The following IMMT variants were observed in gnomAD, a reference collection of about 807,000 sequenced individuals.
IMMT encodes inner membrane mitochondrial protein.
Under a neutral mutation model 92.7 loss-of-function variants are expected in IMMT, and 40 were observed. The observed-to-expected ratio is 0.43, with a 90% CI of 0.34 to 0.56. IMMT has a LOEUF of 0.56. Among genes scored for constraint, IMMT ranks in the 20% least tolerant of loss-of-function variants. The pLI is 0.03. For synonymous variants in IMMT, 322 were observed against 336.1 expected (o/e 0.96, Z 0.46); for missense variants, 831 against 912.1 (o/e 0.91, Z 1.14).
intron 1 of IMMT, among the ~76,000 whole-genome samples, chr2:86,188,265 G>A (rs565131619): frequency 3.3e-5 from 5 of 151,864 alleles, no homozygotes; most frequent in African/African-American, 9.7e-5. Context: ...AGTATCTCAC[G>A]GTTTTAATTT....
chr2:86,176,093 A>C (rs1245443688), intron 3 of IMMT, among the ~76,000 whole-genome samples: 1 of 152,262 alleles, frequency 6.6e-6, no homozygotes, highest in Non-Finnish European at 1.5e-5. Flanking sequence ...CAAGTGCCAG[A>C]TTGCCAAGGG....
At chr2:86,146,843 C>T (rs755289773) in intron 13 of IMMT, among the ~76,000 whole-genome samples, 10 of 152,170 alleles carry the variant, frequency 6.6e-5, no homozygotes, top group Non-Finnish European at 1.3e-4. Context: ...TCACTGCAAC[C>T]TCCACCTCCC....
chr2:86,154,444 T>C (rs922407990), intron 10 of IMMT, among the ~76,000 whole-genome samples: 3 of 152,208 alleles, frequency 2.0e-5, no homozygotes, highest in Non-Finnish European at 4.4e-5. Flanking sequence ...GTGCTGGGAT[T>C]ACAGGCGTGA....
chr2:86,190,737 C>T (rs2105678268), intron 1 of IMMT, among the ~76,000 whole-genome samples: 1 of 152,324 alleles, frequency 6.6e-6, no homozygotes, highest in South Asian at 2.1e-4. Flanking sequence ...AGCCTGTAAT[C>T]CCAGCACTTT....
At chr2:86,171,069 A>G in intron 5 of IMMT, 139 bp downstream of exon 5, 1 of 826,010 alleles carries the variant, frequency 1.2e-6, no homozygotes, top group South Asian at 1.9e-5. Context: ...GGACATTTAA[A>G]TTTTAAAAAT....
intron 4 of IMMT, among the ~76,000 whole-genome samples, chr2:86,172,354 TTTTG>T (rs1475617095): frequency 6.6e-6 from 1 of 152,064 alleles, no homozygotes; most frequent in Non-Finnish European, 1.5e-5. Context: ...CAATGTTTTT[TTTTG>T]TTTGAGACAG....
intron 3 of IMMT, among the ~76,000 whole-genome samples, chr2:86,174,939 G>A (rs1037948781): frequency 1.3e-5 from 2 of 152,142 alleles, no homozygotes; most frequent in Non-Finnish European, 2.9e-5. Context: ...TAAATGAAAA[G>A]CACCGTAGTG....
Position 86,162,082 on chromosome 2 carries a change from A to T in IMMT, c.793-3T>A. ...GCAGATTTCTTCTCGCCTGCAATCT[A>T]AACAAAAAATTTTAATTATATAATA... On this transcript the variant is annotated splice_polypyrimidine_tract_variant and splice_region_variant and intron_variant, in intron 7 of 14. Transcript: ENST00000410111. 1.3e-6 allele frequency: 2 copies of T among 1,551,406 alleles called. No homozygotes were observed. The highest frequency in any genetic ancestry group is 1.7e-6 in the Non-Finnish European group (2 of 1,150,706).
At chr2:86,192,460 T>TA (rs138887674) in intron 1 of IMMT, among the ~76,000 whole-genome samples, 6,312 of 151,892 alleles carry the variant, frequency 0.042, 465 homozygotes, top group African/African-American at 0.14. Flanking sequence ...CTTTTTAAAT[T>TA]AAAAAAAAAT....
chr2:86,173,852 C>A (rs1573925277), intron 3 of IMMT, 91 bp from the exon 4 acceptor site: 2 of 670,228 alleles, frequency 3.0e-6, no homozygotes, highest in East Asian at 5.8e-5. Context: ...CCAAGTCTTT[C>A]AGGCTTTTAA....
chr2:86,150,196 C>G (rs1341436544), intron 12 of IMMT, among the ~76,000 whole-genome samples: 1 of 152,128 alleles, frequency 6.6e-6, no homozygotes, highest in Non-Finnish European at 1.5e-5. Flanking sequence ...GAAAATCAAG[C>G]TGGAGATACC....
intron 1 of IMMT, among the ~76,000 whole-genome samples, chr2:86,183,483 T>G (rs1672560447): frequency 6.6e-6 from 1 of 152,206 alleles, no homozygotes; most frequent in East Asian, 1.9e-4. Flanking sequence ...TTCTATTTTC[T>G]TTTATCTTGA....
At chr2:86,175,099 A>C (rs967126094) in intron 3 of IMMT, among the ~76,000 whole-genome samples, 1 of 152,154 alleles carries the variant, frequency 6.6e-6, no homozygotes, top group African/African-American at 2.4e-5. Flanking sequence ...TTCCAAATTC[A>C]GTTGTTTTAT....
rs773602497 is a variant in IMMT, at chr2:86,144,645, G to C, written c.1900C>G (p.Arg634Gly). Residue 634 changes from arginine (R) to glycine (G), a missense_variant, in exon 15 of 15, where the codon CGT (arginine) becomes GGT (glycine). Coordinates refer to ENST00000410111, the MANE Select transcript of IMMT (RefSeq NM_006839.3). ...GCCAGTTTTTGAACAGCATAGAAACGGGCTCTAAGGGTCTCTTCACTGTAC... is the reference window on the plus strand; with the variant it reads ...GCCAGTTTTTGAACAGCATAGAAACCGGCTCTAAGGGTCTCTTCACTGTAC... Reference protein sequence around the residue: ...GVYSEETLRARFYAVQKLARR... With the variant: ...GVYSEETLRAGFYAVQKLARR... 13 of 1,613,910 alleles carry C rather than the reference G, an allele frequency of 8.1e-6. No individual in the cohort carries two copies. Among genetic ancestry groups the C allele is most frequent in the Non-Finnish European group, 1.0e-5 (12 of 1,179,872 alleles).
chr2:86,170,039 G>A (rs532724726), intron 6 of IMMT, among the ~76,000 whole-genome samples: 89 of 152,274 alleles, frequency 5.8e-4, no homozygotes, highest in African/African-American at 2.1e-3. Context: ...ATAAGGCAGT[G>A]TAAGCCATTC....
rs777454852 is a variant in IMMT at position 86,144,332 on chromosome 2, ACTAT to A, written c.2209_2212del (p.Ile737TrpfsTer4). The A allele has an allele frequency of 1.2e-6, 2 of 1,613,864 alleles. No homozygotes were observed. The highest frequency in any genetic ancestry group is 1.7e-6 in the Non-Finnish European group (2 of 1,179,866). On this transcript the variant is annotated frameshift_variant, in exon 15 of 15. Coordinates refer to ENST00000410111, the MANE Select transcript of IMMT (RefSeq NM_006839.3). LOFTEE classifies it high-confidence loss of function. The stretch of plus-strand genomic sequence containing the variant: ...GCTGGCATATGCTGTCAGGATTTCC[ACTAT>A]CTGTTTCGTTTCTAGGGTCATTCGG...
chr2:86,170,313 G>A (rs1676993957), intron 6 of IMMT, among the ~76,000 whole-genome samples: 1 of 152,136 alleles, frequency 6.6e-6, no homozygotes, highest in Admixed American at 6.5e-5. Context: ...CAGCTACAGA[G>A]GAGGCTGAGG....
intron 7 of IMMT, among the ~76,000 whole-genome samples, chr2:86,164,522 C>T (rs1045044795): frequency 5.3e-5 from 8 of 151,928 alleles, no homozygotes; most frequent in African/African-American, 1.7e-4. Flanking sequence ...GAAACCCTCT[C>T]TGTACGAAAA....
chr2:86,148,518 A>G (rs375986528), intron 12 of IMMT, among the ~76,000 whole-genome samples: 1 of 152,312 alleles, frequency 6.6e-6, no homozygotes, highest in East Asian at 1.9e-4. Context: ...AGGCTGAGGC[A>G]GGAGAATGGC....
Sources: allele counts gnomAD v4.1 joint callset (sites outside exome capture counted in the v4.1 genomes callset), GRCh38; gene constraint gnomAD v4.1.1; transcripts MANE v1.5; gene names NCBI Gene and HGNC (gene_info 2026-07-23, HGNC 2026-07-21).